NRG3: variants seen among roughly 807,000 people sequenced by gnomAD.
NRG3 encodes the protein neuregulin 3, also known as pro-neuregulin-3, membrane-bound isoform.
A neutral mutation model predicts 66.9 loss-of-function variants in NRG3; 31 were observed. That is an observed-to-expected ratio of 0.46 (90% CI 0.35 to 0.63). The LOEUF (loss-of-function observed/expected upper bound fraction) is 0.63. NRG3 is among the 20% of genes least tolerant of loss of function. The pLI is 0.00. For synonymous variants in NRG3, 393 were observed against 359.4 expected, an observed-to-expected ratio of 1.09 and a Z score of -1.06; for missense variants, 910 against 878.9, an observed-to-expected ratio of 1.04 and a Z score of -0.45.
chr10:81,944,329 A>C (rs887559014), intron 1 of NRG3, among the ~76,000 whole-genome samples: 1 of 152,234 alleles, frequency 6.6e-6, no homozygotes, highest in African/African-American at 2.4e-5. Context: ...ACTAAAATAA[A>C]ATTTTAGAAA....
chr10:82,396,489 G>C (rs1005668516), intron 2 of NRG3, among the ~76,000 whole-genome samples: 1 of 152,102 alleles, frequency 6.6e-6, no homozygotes, highest in African/African-American at 2.4e-5. Flanking sequence ...TGATAAATGA[G>C]TTTATCCCTG....
chr10:82,408,679 G>A (rs961271557), intron 2 of NRG3, among the ~76,000 whole-genome samples: 1 of 148,724 alleles, frequency 6.7e-6, no homozygotes, highest in Non-Finnish European at 1.5e-5. Context: ...TTATTCTTCT[G>A]TGATTTTCCT....
At chr10:82,814,380 A>G (rs1046781627) in intron 3 of NRG3, among the ~76,000 whole-genome samples, 1 of 152,202 alleles carries the variant, frequency 6.6e-6, no homozygotes. Flanking sequence ...CCTAGGATTA[A>G]TTTTATAAAT....
intron 4 of NRG3, among the ~76,000 whole-genome samples, chr10:82,870,121 G>A (rs11196281): frequency 0.19 from 29,257 of 150,284 alleles, 3,404 homozygotes; most frequent in East Asian, 0.51. Flanking sequence ...GCCCGCCTCA[G>A]CCTCCCAAAG....
At chr10:82,827,588 C>A (rs549274717) in intron 3 of NRG3, among the ~76,000 whole-genome samples, 1 of 152,244 alleles carries the variant, frequency 6.6e-6, no homozygotes, top group East Asian at 1.9e-4. Context: ...TTAATAGTAG[C>A]TAATTATCCG....
intron 1 of NRG3, among the ~76,000 whole-genome samples, chr10:82,277,380 GA>G (rs1167384220): frequency 6.6e-6 from 1 of 151,958 alleles, no homozygotes; most frequent in Non-Finnish European, 1.5e-5. Flanking sequence ...TTCTAAGTTG[GA>G]AAACAATAAA....
At chr10:82,075,029 C>T (rs530047486) in intron 1 of NRG3, among the ~76,000 whole-genome samples, 1 of 152,268 alleles carries the variant, frequency 6.6e-6, no homozygotes, top group East Asian at 1.9e-4. Flanking sequence ...GGCCTTTGAT[C>T]ATTATCTGTT....
intron 2 of NRG3, among the ~76,000 whole-genome samples, chr10:82,654,019 G>A (rs375557966): frequency 1.3e-5 from 2 of 152,152 alleles, no homozygotes; most frequent in East Asian, 1.9e-4. Context: ...AAAGTAAGCT[G>A]CACAGAGCAG....
At chr10:82,280,112 G>A (rs759283964) in intron 1 of NRG3, among the ~76,000 whole-genome samples, 11 of 152,198 alleles carry the variant, frequency 7.2e-5, no homozygotes, top group Admixed American at 2.6e-4. Context: ...TGAAAGTAAG[G>A]GAAGTGGGAT....
intron 1 of NRG3, among the ~76,000 whole-genome samples, chr10:81,921,747 G>C (rs1439293665): frequency 6.6e-6 from 1 of 152,030 alleles, no homozygotes; most frequent in African/African-American, 2.4e-5. Flanking sequence ...TCAATAACTA[G>C]TAATGCACAT....
At chr10:81,959,942 T>C (rs1373214644) in intron 1 of NRG3, among the ~76,000 whole-genome samples, 1 of 152,226 alleles carries the variant, frequency 6.6e-6, no homozygotes, top group Non-Finnish European at 1.5e-5. Context: ...TACTATTTTT[T>C]ACTTTTCTCA....
At chr10:82,557,554 CAT>C (rs3040177) in intron 2 of NRG3, among the ~76,000 whole-genome samples, 54,716 of 151,694 alleles carry the variant, frequency 0.36, 10,414 homozygotes, top group African/African-American at 0.49. Flanking sequence ...ATAATTTTCA[CAT>C]GTTTTCTCCC....
At chr10:82,382,913 C>T (rs969994456) in intron 2 of NRG3, among the ~76,000 whole-genome samples, 1 of 151,854 alleles carries the variant, frequency 6.6e-6, no homozygotes, top group Non-Finnish European at 1.5e-5. Context: ...TGAATTTAAT[C>T]CTACTGCTTA....
chr10:82,123,656 C>A (rs373601836), intron 1 of NRG3, among the ~76,000 whole-genome samples: 1 of 152,272 alleles, frequency 6.6e-6, no homozygotes, highest in East Asian at 1.9e-4. Flanking sequence ...TCAGTTCATC[C>A]AAAATTCTGT....
intron 2 of NRG3, among the ~76,000 whole-genome samples, chr10:82,600,937 C>G (rs995147043): frequency 6.6e-6 from 1 of 152,040 alleles, no homozygotes; most frequent in Admixed American, 6.6e-5. Context: ...GCCGTTACCC[C>G]ACATCTGCCT....
chr10:82,791,146 C>G (rs997822083), intron 3 of NRG3, among the ~76,000 whole-genome samples: 3 of 152,002 alleles, frequency 2.0e-5, no homozygotes, highest in African/African-American at 7.2e-5. Flanking sequence ...TTTCCCCTTC[C>G]TGCCCCCACA....
chr10:82,460,097 C>A (rs1464688174), intron 2 of NRG3, among the ~76,000 whole-genome samples: 1 of 152,190 alleles, frequency 6.6e-6, no homozygotes, highest in African/African-American at 2.4e-5. Context: ...ACTTTCTTTA[C>A]AAGCCCGTTC....
At chr10:82,218,057 A>T (rs2075771202) in intron 1 of NRG3, among the ~76,000 whole-genome samples, 1 of 152,224 alleles carries the variant, frequency 6.6e-6, no homozygotes, top group Non-Finnish European at 1.5e-5. Flanking sequence ...ACCCAAAGAA[A>T]ATACATTTTT....
At chr10:82,175,188 C>T (rs754725494) in intron 1 of NRG3, among the ~76,000 whole-genome samples, 5 of 152,142 alleles carry the variant, frequency 3.3e-5, no homozygotes, top group South Asian at 2.1e-4. Context: ...CTCACCAACA[C>T]GAGGTCAGGC....
Sources: gnomAD v4.1 joint callset for allele counts (sites outside exome capture counted in the v4.1 genomes callset) on GRCh38, gnomAD v4.1.1 for gene constraint, MANE v1.5 for transcripts, NCBI Gene and HGNC (gene_info 2026-07-23, HGNC 2026-07-21) for gene names.